The following PIK3R5 variants were observed in gnomAD, a reference collection of about 807,000 sequenced individuals.
The protein encoded by PIK3R5 is phosphoinositide 3-kinase regulatory subunit 5.
PIK3R5 carries 32 observed loss-of-function variants against 94.9 expected under a neutral mutation model. The ratio of observed to expected loss-of-function variants is 0.34; its 90% confidence interval spans 0.25 to 0.45. PIK3R5 has a LOEUF of 0.45. Ranked by LOEUF, PIK3R5 falls within the 20% of genes least tolerant of loss-of-function variation. PIK3R5 has a pLI of 1.00. For missense variants in PIK3R5, 853 were observed against 1,144.6 expected, an observed-to-expected ratio of 0.75 and a Z score of 3.68; for synonymous variants, 443 against 479.4, an observed-to-expected ratio of 0.92 and a Z score of 0.99.
At chr17:8,961,592 G>A (rs1334187624) in intron 1 of PIK3R5, among the ~76,000 whole-genome samples, 4 of 152,088 alleles carry the variant, frequency 2.6e-5, no homozygotes, top group East Asian at 3.9e-4. Flanking sequence ...CCGAGATCAC[G>A]GCACTGCATT....
Position 8,886,543 on chromosome 17 carries a change from A to C in PIK3R5, c.1968T>G (p.Ala656=). 3 of 1,612,614 alleles carry C rather than the reference A, an allele frequency of 1.9e-6. No homozygotes were observed. ...EGSPTQLPIL[A]DMLLYYCRFA... is the part of the protein sequence containing the mutation. ...AGCGGCAGTAGTAGAGTAGCATGTC[A>C]GCCAGGATGGGCAGCTGGGTTGGGG... The change falls in exon 13 of 19, where the codon GCT becomes GCG. Residue 656 remains alanine (A), a synonymous_variant. Transcript: ENST00000447110.
chr17:8,959,405 T>C (rs540895766), intron 1 of PIK3R5, among the ~76,000 whole-genome samples: 1 of 123,494 alleles, frequency 8.1e-6, no homozygotes, highest in South Asian at 2.9e-4. Flanking sequence ...ATGCAAAACT[T>C]TGAGCGAGAG....
chr17:8,927,981 T>C lies in PIK3R5; in HGVS notation c.-13-16474A>G, dbSNP rs181367492. On this transcript the variant is annotated intron_variant, in intron 1 of 18. Transcript: ENST00000447110. ...CCTTCCACCATGACTGCATGTGGCT[T>C]GAGGCTCTCACCAGATGCAGATGTT... Among the ~76,000 whole-genome samples, 39 of 152,298 alleles carry C rather than the reference T, an allele frequency of 2.6e-4. No individual in the cohort carries two copies. In the East Asian group the frequency reaches 7.5e-3, roughly 29 times the overall value.
In PIK3R5 at chr17:8,909,128, C is replaced by A; in HGVS notation, c.150G>T (p.Arg50Ser). The change falls in exon 3 of 19, where the codon AGG becomes AGT. Residue 50 changes from arginine to serine, a missense_variant. By Grantham distance (110) the Arg-to-Ser change is moderately radical (BLOSUM62 -1). Around this residue, in one of 6 missense-constraint regions of PIK3R5, gnomAD observed 108 missense variants for 170.1 expected, o/e 0.63. Coordinates refer to ENST00000447110, the MANE Select transcript of PIK3R5 (RefSeq NM_001142633.3). The surrounding 1 kb of genome is among the most constrained non-coding windows in gnomAD (Gnocchi z 4.3). Reference sequence around the variant, plus strand: ...GGAGGATAAGGAAGTGGCCCGGGTCCCTGCTGACCAGCTCCTGCAGGCTCC... The same window carrying A: ...GGAGGATAAGGAAGTGGCCCGGGTCACTGCTGACCAGCTCCTGCAGGCTCC... The part of the protein sequence containing the change: ...NCWSLQELVS[R>S]DPGHFLILLE... 6.2e-7 allele frequency: 1 copy of A among 1,609,132 alleles called. No homozygotes were observed. The highest frequency in any genetic ancestry group is 8.5e-7 in the Non-Finnish European group (1 of 1,177,488).
In PIK3R5 at chr17:8,880,609, G is replaced by T. The variant is rs1174066359; in HGVS notation, c.*30C>A. The stretch of plus-strand genomic sequence containing the variant: ...GGGTGGCCGAGGAGGTTGCCCCAGG[G>T]CTTCTGTCCAGTCTGGCGCTGGGCC... On this transcript the variant is annotated 3_prime_UTR_variant, in exon 19 of 19. Coordinates refer to ENST00000447110, the MANE Select transcript of PIK3R5 (RefSeq NM_001142633.3). The T allele has an allele frequency of 1.3e-6, 2 of 1,569,542 alleles. No homozygotes were observed. Among genetic ancestry groups the T allele is most frequent in the Non-Finnish European group, 8.6e-7 (1 of 1,158,460 alleles).
intron 1 of PIK3R5, among the ~76,000 whole-genome samples, chr17:8,939,857 T>C (rs867031332): frequency 3.3e-5 from 5 of 152,124 alleles, no homozygotes; most frequent in African/African-American, 1.2e-4. Flanking sequence ...AGTCCTGGTG[T>C]GAGAAGGGGT....
At position 8,879,405 on chromosome 17, in the gene PIK3R5, C is replaced by T. The variant is rs932310645; in HGVS notation, c.*1234G>A. The T allele has an allele frequency of 1.6e-4, 25 of 152,358 alleles. No individual in the cohort carries two copies. Among genetic ancestry groups the T allele is most frequent in the African/African-American group, 5.5e-4 (23 of 41,556 alleles). The allele number at this position is 152,358 out of a possible 1,614,324, so 9.4% of individuals were successfully genotyped here. On this transcript the variant is annotated 3_prime_UTR_variant, in exon 19 of 19. Transcript: ENST00000447110. This position sits in a 1 kb window ranked among gnomAD's most constrained non-coding sequence, Gnocchi z 4.4. ...ATTTCCCATGCACCAGTCCCATTTC[C>T]CCTGAGTCGGGCACTAAGCTCTGTG...
At chr17:8,930,299 A>C (rs2090964980) in intron 1 of PIK3R5, among the ~76,000 whole-genome samples, 1 of 152,234 alleles carries the variant, frequency 6.6e-6, no homozygotes, top group African/African-American at 2.4e-5. Flanking sequence ...AGATCACAGA[A>C]AAATCTCCAA....
intron 1 of PIK3R5, among the ~76,000 whole-genome samples, chr17:8,932,407 G>A (rs955724545): frequency 1.3e-5 from 2 of 152,056 alleles, no homozygotes; most frequent in Admixed American, 1.3e-4. Context: ...GCTGATTTTT[G>A]TATTTTTAAT....
In PIK3R5 at chr17:8,881,249, T is replaced by C. The variant is rs1384201198; in HGVS notation, c.2383-232A>G. Among the ~76,000 whole-genome samples the C allele has an allele frequency of 1.3e-5, 2 of 152,132 alleles. No individual in the cohort carries two copies. The highest frequency in any genetic ancestry group is 6.5e-5 in the Admixed American group (1 of 15,274). On this transcript the variant is annotated intron_variant, in intron 17 of 18. Coordinates refer to ENST00000447110, the MANE Select transcript of PIK3R5 (RefSeq NM_001142633.3). The surrounding 1 kb of genome is among the most constrained non-coding windows in gnomAD (Gnocchi z 4.8). ...GAAGCAAGTGCCCCCTGAGGAGACATTGCCCTGCCTGCTGCCCTCACCGGA... is the reference window on the plus strand; with the variant it reads ...GAAGCAAGTGCCCCCTGAGGAGACACTGCCCTGCCTGCTGCCCTCACCGGA...
chr17:8,916,318 G>A (rs1193699980), intron 1 of PIK3R5: 1 of 152,242 alleles, frequency 6.6e-6, no homozygotes, highest in African/African-American at 2.4e-5. Flanking sequence ...GCAGAGGTGA[G>A]GGGGGAAGAC....
At position 8,909,070 on chromosome 17, in the gene PIK3R5, T is replaced by G. The variant is rs775897882; in HGVS notation, c.204+4A>C. The G allele has an allele frequency of 3.8e-6, 6 of 1,586,132 alleles. No homozygotes were observed. In the South Asian group the frequency reaches 6.7e-5, roughly 18 times the overall value. ...CTGCCCTTCAATTCCTGACTCCCCC[T>G]CACCTCTCGGGTCTTCTGCAGGATC... is the stretch of plus-strand genomic sequence containing the variant. On this transcript the variant is annotated splice_donor_region_variant and intron_variant, in intron 3 of 18. Transcript: ENST00000447110. This position sits in a 1 kb window ranked among gnomAD's most constrained non-coding sequence, Gnocchi z 4.3.
At chr17:8,910,993 T>C (rs2090513642) in intron 2 of PIK3R5, among the ~76,000 whole-genome samples, 1 of 152,128 alleles carries the variant, frequency 6.6e-6, no homozygotes, top group African/African-American at 2.4e-5. Flanking sequence ...TTTCCCTTAT[T>C]CTATAGGGAA....
chr17:8,933,694 A>C (rs569131944), intron 1 of PIK3R5, among the ~76,000 whole-genome samples: 14 of 152,296 alleles, frequency 9.2e-5, no homozygotes, highest in Non-Finnish European at 1.6e-4. Context: ...AAATATATAA[A>C]TATAATCATT....
rs1224651181 is a variant in PIK3R5 at position 8,893,656 on chromosome 17, C to A, written c.413-1G>T. On this transcript the variant is annotated splice_acceptor_variant, in intron 5 of 18. Transcript: ENST00000447110. LOFTEE classifies it high-confidence loss of function. This position sits in a 1 kb window ranked among gnomAD's most constrained non-coding sequence, Gnocchi z 5.1. ...CTCACCAGTCTCTGGTAGGAGATCC[C>A]TGTGGGTCAAGAAGAAAAGAGTTCA... 3.7e-6 allele frequency: 6 copies of A among 1,612,910 alleles called. No homozygotes were observed. The highest frequency in any genetic ancestry group is 5.1e-6 in the Non-Finnish European group (6 of 1,178,966).
chr17:8,903,627 A>G (rs2090337206), intron 5 of PIK3R5, among the ~76,000 whole-genome samples: 1 of 151,846 alleles, frequency 6.6e-6, no homozygotes, highest in African/African-American at 2.4e-5. Flanking sequence ...CAACCCAGCA[A>G]TACGATTCTT....
At position 8,901,885 on chromosome 17, in the gene PIK3R5, G is replaced by A. The variant is rs140999380; in HGVS notation, c.412+2892C>T. ...ATTGGTTGATTATTAGCAAGGATGC[G>A]TTGATGAACGTCTTTGTTTTGTAGC... is the stretch of plus-strand genomic sequence containing the variant. On this transcript the variant is annotated intron_variant, in intron 5 of 18. Transcript: ENST00000447110. 2.0e-3 allele frequency among the ~76,000 whole-genome samples: 310 copies of A among 152,224 alleles called. 1 individual carries two copies. The highest frequency in any genetic ancestry group is 7.0e-3 in the African/African-American group (291 of 41,526).
At position 8,884,758 on chromosome 17, in the gene PIK3R5, G is replaced by C. The variant is rs148443913; in HGVS notation, c.2154C>G (p.Ile718Met). The change falls in exon 15 of 19, where the codon ATC (isoleucine) becomes ATG (methionine). Residue 718 changes from isoleucine (I) to methionine (M), a missense_variant. This residue lies in a region of PIK3R5 where 173 missense variants were observed against 274.1 expected (regional missense o/e 0.63). Coordinates refer to ENST00000447110, the MANE Select transcript of PIK3R5 (RefSeq NM_001142633.3). The surrounding 1 kb of genome is among the most constrained non-coding windows in gnomAD (Gnocchi z 5.8). Reference protein sequence around the residue: ...ASGPGSKRLGIDGDREAVPLT... With the variant: ...ASGPGSKRLGMDGDREAVPLT... ...GAGGAACAGCCTCCCGGTCGCCATC[G>C]ATGCCCAGCCGCTTGCTGCCAGGAC... is the stretch of plus-strand genomic sequence containing the variant. The C allele has an allele frequency of 2.9e-4, 466 of 1,612,790 alleles. 1 individual carries two copies. Among genetic ancestry groups the C allele is most frequent in the Non-Finnish European group, 3.8e-4 (453 of 1,179,456 alleles).
rs759680880 is a variant in PIK3R5 at position 8,890,922 on chromosome 17, CAG to C, written c.483-12_483-11del. 1.9e-6 allele frequency: 3 copies of C among 1,612,470 alleles called. No homozygotes were observed. Among genetic ancestry groups the C allele is most frequent in the African/African-American group, 1.3e-5 (1 of 75,054 alleles). On this transcript the variant is annotated splice_polypyrimidine_tract_variant and intron_variant, in intron 6 of 18. Transcript: ENST00000447110. The surrounding 1 kb of genome is among the most constrained non-coding windows in gnomAD (Gnocchi z 6.1). Reference sequence around the variant, plus strand: ...CAGCAGCAGCACGGTGCTGGGGACACAGGGGACCGGCTATGGCACCCAGGGGT... The same window carrying C: ...CAGCAGCAGCACGGTGCTGGGGACACGGGACCGGCTATGGCACCCAGGGGT...
Sources: gnomAD v4.1 joint callset for allele counts (sites outside exome capture counted in the v4.1 genomes callset) on GRCh38, gnomAD v4.1.1 for gene constraint, gnomAD v4.1.1 regional missense constraint, Gnocchi (gnomAD v3.1) non-coding constraint, MANE v1.5 for transcripts, NCBI Gene and HGNC (gene_info 2026-07-23, HGNC 2026-07-21) for gene names.